Variants in MAP3K3 observed in about 807,000 individuals in gnomAD.
MAP3K3 encodes mitogen-activated protein kinase kinase kinase 3.
Under a neutral mutation model 80.9 loss-of-function variants are expected in MAP3K3, and 12 were observed. The observed-to-expected ratio is 0.15, with a 90% CI of 0.10 to 0.24. MAP3K3 has a LOEUF of 0.24. Ranked by LOEUF, MAP3K3 falls within the 10% of genes least tolerant of loss-of-function variation. The pLI, the probability that MAP3K3 is intolerant of heterozygous loss-of-function variation, is 1.00. For synonymous variants in MAP3K3, 272 were observed against 307.1 expected (o/e 0.89, Z 1.19); for missense variants, 596 against 834.7 (o/e 0.71, Z 3.52).
At position 63,691,680 on chromosome 17, in the gene MAP3K3, C is replaced by G. The variant is rs914843526; in HGVS notation, c.1345-53C>G. 7 of 1,588,742 alleles carry G rather than the reference C, an allele frequency of 4.4e-6. No homozygotes were observed. In the African/African-American group the frequency reaches 8.1e-5, roughly 18 times the overall value. ...ATGCTGGGGGCTGGAATGGGCTTGC[C>G]CCTCCACCAGCCCTCCCCTGAGGGG... On this transcript the variant is annotated intron_variant, in intron 13 of 15. Transcript: ENST00000361733. This position sits in a 1 kb window ranked among gnomAD's most constrained non-coding sequence, Gnocchi z 4.8.
chr17:63,682,687 G>A (rs1342571945), intron 7 of MAP3K3: 3 of 152,278 alleles, frequency 2.0e-5, no homozygotes, highest in African/African-American at 7.2e-5. Flanking sequence ...GCCACCTGCA[G>A]TTCCTTGCCA....
intron 2 of MAP3K3, among the ~76,000 whole-genome samples, chr17:63,635,007 A>G (rs1303658587): frequency 6.6e-6 from 1 of 152,196 alleles, no homozygotes; most frequent in East Asian, 1.9e-4. Context: ...CTGTCCAATA[A>G]ACCTTCTGTG....
In MAP3K3 at chr17:63,695,089, GAA is replaced by G. The variant is rs34163987; in HGVS notation, c.*1329_*1330del. ...GTTTCCTTGGGAGTTGTCATTAAAG[GAA>G]AAAAAAAAAAAAAAAAGCCAGTGCC... On this transcript the variant is annotated 3_prime_UTR_variant, in exon 16 of 16. Transcript: ENST00000361733. This position sits in a 1 kb window ranked among gnomAD's most constrained non-coding sequence, Gnocchi z 4.1. 306 of 120,330 alleles carry G rather than the reference GAA, an allele frequency of 2.5e-3. 1 individual carries two copies. The highest frequency in any genetic ancestry group is 2.7e-3 in the African/African-American group (91 of 33,198). The allele number at this position is 120,330 out of a possible 1,614,324, so 7.5% of individuals were successfully genotyped here.
intron 6 of MAP3K3, among the ~76,000 whole-genome samples, chr17:63,678,353 A>T (rs998109541): frequency 2.0e-5 from 3 of 152,216 alleles, no homozygotes; most frequent in Non-Finnish European, 4.4e-5. Flanking sequence ...TAGGACTTAG[A>T]AAATAGGACA....
At position 63,657,927 on chromosome 17, in the gene MAP3K3, G is replaced by A. The variant is rs377741494; in HGVS notation, c.381+20G>A. 83 of 1,365,568 alleles carry A rather than the reference G, an allele frequency of 6.1e-5. No individual in the cohort carries two copies. Among genetic ancestry groups the A allele is most frequent in the Non-Finnish European group, 8.0e-5 (78 of 972,436 alleles). The allele number at this position is 1,365,568 out of a possible 1,614,324, so 84.6% of individuals were successfully genotyped here. On this transcript the variant is annotated intron_variant, in intron 5 of 15. Coordinates refer to ENST00000361733, the MANE Select transcript of MAP3K3 (RefSeq NM_002401.5). The stretch of plus-strand genomic sequence containing the variant: ...AACCATGTAAGTAGCCCTTGTCATG[G>A]TCTGGCAGCTGAAGACAAAGCTTGC...
chr17:63,644,479 G>A (rs1188190284), intron 2 of MAP3K3, among the ~76,000 whole-genome samples: 1 of 152,124 alleles, frequency 6.6e-6, no homozygotes, highest in African/African-American at 2.4e-5. Context: ...GCCTCCCAAG[G>A]GGCTGGGATT....
At chr17:63,624,694 A>C (rs1476953202) in intron 1 of MAP3K3, among the ~76,000 whole-genome samples, 1 of 152,192 alleles carries the variant, frequency 6.6e-6, no homozygotes, top group Non-Finnish European at 1.5e-5. Flanking sequence ...AAGAGGAATT[A>C]ACTTCCCTGG....
Position 63,622,717 on chromosome 17 carries a change from G to A in MAP3K3, c.-43G>A. 2.1e-6 allele frequency: 1 copy of A among 479,752 alleles called. No individual in the cohort carries two copies. The allele number at this position is 479,752 out of a possible 1,614,324, so 29.7% of individuals were successfully genotyped here. Reference sequence around the variant, plus strand: ...CCGGCATGCAGCCCCGGCTGCGGAGGTGACACTCACGGACCTTAGCCACCG... The same window carrying A: ...CCGGCATGCAGCCCCGGCTGCGGAGATGACACTCACGGACCTTAGCCACCG... On this transcript the variant is annotated 5_prime_UTR_variant, in exon 1 of 16. It adds an upstream start codon to the 5' untranslated region. Coordinates refer to ENST00000361733, the MANE Select transcript of MAP3K3 (RefSeq NM_002401.5).
chr17:63,664,972 T>C (rs2034970533), intron 5 of MAP3K3, among the ~76,000 whole-genome samples: 1 of 151,980 alleles, frequency 6.6e-6, no homozygotes, highest in Non-Finnish European at 1.5e-5. Flanking sequence ...GTGCTTGGAC[T>C]CTGTGTCCAG....
intron 6 of MAP3K3, among the ~76,000 whole-genome samples, chr17:63,672,623 C>CTATA (rs1238146154): frequency 1.3e-5 from 2 of 152,056 alleles, no homozygotes; most frequent in African/African-American, 4.8e-5. Context: ...TAAGCAGAGA[C>CTATA]TATAGAATGA....
chr17:63,675,331 G>C (rs2035195630), intron 6 of MAP3K3, among the ~76,000 whole-genome samples: 2 of 152,188 alleles, frequency 1.3e-5, no homozygotes, highest in African/African-American at 2.4e-5. Flanking sequence ...TTAGGAAATA[G>C]TTAGTGGCCA....
intron 6 of MAP3K3, among the ~76,000 whole-genome samples, chr17:63,675,684 C>G (rs2035204600): frequency 6.6e-6 from 1 of 150,558 alleles, no homozygotes; most frequent in Non-Finnish European, 1.5e-5. Context: ...CTGTGGGCCT[C>G]TCTCTGAACA....
intron 2 of MAP3K3, among the ~76,000 whole-genome samples, chr17:63,640,483 C>T (rs1048475343): frequency 1.3e-5 from 2 of 152,156 alleles, no homozygotes; most frequent in African/African-American, 2.4e-5. Flanking sequence ...AACAGTACTA[C>T]AAACTAAAGG....
intron 2 of MAP3K3, among the ~76,000 whole-genome samples, chr17:63,639,756 T>A (rs1162045445): frequency 6.6e-6 from 1 of 152,120 alleles, no homozygotes; most frequent in Non-Finnish European, 1.5e-5. Context: ...AAAATTAAAA[T>A]TTTATTTTTA....
At chr17:63,675,558 C>T (rs2035201921) in intron 6 of MAP3K3, among the ~76,000 whole-genome samples, 1 of 152,216 alleles carries the variant, frequency 6.6e-6, no homozygotes, top group Non-Finnish European at 1.5e-5. Context: ...ATCTTTGACT[C>T]TGCTTCTTTG....
In MAP3K3 at chr17:63,688,818, G is replaced by A. The variant is rs139920227; in HGVS notation, c.808G>A (p.Val270Ile). ...DRETQLYDKG[V>I]KGGTYPRRYH... Reference sequence around the variant, plus strand: ...GGAAACTCAGCTTTATGACAAAGGGGTCAAAGGTGGAACCTACCCCCGGCG... The same window carrying A: ...GGAAACTCAGCTTTATGACAAAGGGATCAAAGGTGGAACCTACCCCCGGCG... Residue 270 changes from valine (V) to isoleucine (I), a missense_variant, in exon 10 of 16, where the codon GTC becomes ATC. Physicochemically the swap from Val to Ile is conservative, Grantham distance 29. Around this residue, in one of 2 missense-constraint regions of MAP3K3, gnomAD observed 364 missense variants for 588.9 expected, o/e 0.62. Transcript: ENST00000361733. 1.2e-6 allele frequency: 2 copies of A among 1,613,830 alleles called. No individual in the cohort carries two copies. The highest frequency in any genetic ancestry group is 2.7e-5 in the African/African-American group (2 of 74,892).
chr17:63,687,775 G>A (rs1232007595), intron 8 of MAP3K3, among the ~76,000 whole-genome samples: 1 of 147,922 alleles, frequency 6.8e-6, no homozygotes, highest in African/African-American at 2.5e-5. Flanking sequence ...GGATCACAAG[G>A]TCAAGAGATC....
chr17:63,631,495 G>C (rs2034215295), intron 1 of MAP3K3, among the ~76,000 whole-genome samples: 1 of 152,208 alleles, frequency 6.6e-6, no homozygotes, highest in Non-Finnish European at 1.5e-5. Context: ...AAATGGCTCA[G>C]TTGTCACCAA....
rs2035633196 is a variant in MAP3K3 at position 63,693,426 on chromosome 17, C to T, written c.1653-123C>T. 1.3e-6 allele frequency: 1 copy of T among 768,542 alleles called. No homozygotes were observed. The highest frequency in any genetic ancestry group is 2.1e-6 in the Non-Finnish European group (1 of 473,384). 47.6% of individuals were successfully genotyped at this position (768,542 alleles called of 1,614,324 possible). A position where few individuals can be genotyped will look rare whatever the true frequency, so the allele number is the denominator to read the frequency against. On this transcript the variant is annotated intron_variant, in intron 15 of 15. Transcript: ENST00000361733. The surrounding 1 kb of genome is among the most constrained non-coding windows in gnomAD (Gnocchi z 4.2). ...GACAGACATCCAAGCTGAGGTATCC[C>T]TCAGCTTGGCCTGTCCTGCACCTCA...
Sources: gnomAD v4.1 joint callset for allele counts (sites outside exome capture counted in the v4.1 genomes callset) on GRCh38, gnomAD v4.1.1 for gene constraint, gnomAD v4.1.1 regional missense constraint, Gnocchi (gnomAD v3.1) non-coding constraint, MANE v1.5 for transcripts, NCBI Gene and HGNC (gene_info 2026-07-23, HGNC 2026-07-21) for gene names.